The following PUM1 variants were observed in gnomAD, a reference collection of about 807,000 sequenced individuals.
PUM1 encodes the protein pumilio homolog 1.
A neutral mutation model predicts 131.8 loss-of-function variants in PUM1; 13 were observed. The observed-to-expected ratio is 0.10, with a 90% CI of 0.06 to 0.16. The LOEUF (loss-of-function observed/expected upper bound fraction) is 0.16, where lower values mean the gene tolerates loss of function less well. PUM1 is among the 10% of genes least tolerant of loss of function. The pLI, the probability that PUM1 is intolerant of heterozygous loss-of-function variation, is 1.00. For synonymous variants in PUM1, 509 were observed against 556.5 expected, an observed-to-expected ratio of 0.91 and a Z score of 1.20; for missense variants, 961 against 1,512.4, an observed-to-expected ratio of 0.64 and a Z score of 6.05.
At chr1:30,946,365 G>A (rs768177574) in intron 17 of PUM1, among the ~76,000 whole-genome samples, 9 of 150,892 alleles carry the variant, frequency 6.0e-5, no homozygotes, top group East Asian at 5.8e-4. Context: ...TAGGCCAGGT[G>A]CAGTGGCTCA....
chr1:31,047,452 C>T (rs912503245), intron 2 of PUM1, among the ~76,000 whole-genome samples: 5 of 152,138 alleles, frequency 3.3e-5, no homozygotes, highest in African/African-American at 9.7e-5. Context: ...ATGTTTAAGT[C>T]CTTTCACAAG....
At chr1:31,044,937 G>A (rs1643916482) in intron 2 of PUM1, among the ~76,000 whole-genome samples, 1 of 152,136 alleles carries the variant, frequency 6.6e-6, no homozygotes, top group South Asian at 2.1e-4. Context: ...AGCCTCCTGA[G>A]TACCTGGGAT....
chr1:31,036,755 T>A (rs1278772439), intron 2 of PUM1: 1 of 153,052 alleles, frequency 6.5e-6, no homozygotes, highest in Non-Finnish European at 1.5e-5. Context: ...GGAGCCACAC[T>A]CAGAGTACAC....
In PUM1 at chr1:30,964,736, C is replaced by T; in HGVS notation, c.2261G>A (p.Gly754Glu). The T allele has an allele frequency of 2.5e-6, 4 of 1,614,004 alleles. No homozygotes were observed. The highest frequency in any genetic ancestry group is 3.4e-6 in the Non-Finnish European group (4 of 1,179,990). ...VGMPLPSQGP[G>E]HSQTPPPSLS... is the part of the protein sequence containing the mutation. Reference sequence around the variant, plus strand: ...GGAAGGAGGTGGTGTCTGTGAATGTCCTGGTCCCTGACTAGGGAGAGGCAT... The same window carrying T: ...GGAAGGAGGTGGTGTCTGTGAATGTTCTGGTCCCTGACTAGGGAGAGGCAT... Residue 754 changes from glycine (G) to glutamate (E), a missense_variant, in exon 14 of 22, where the codon GGA becomes GAA. Gly to Glu is a moderately conservative substitution (Grantham distance 98). This residue lies in a region of PUM1 where 117 missense variants were observed against 200.7 expected (regional missense o/e 0.58). Coordinates refer to ENST00000426105, the MANE Select transcript of PUM1 (RefSeq NM_001020658.2).
chr1:31,007,428 T>C (rs1642434174), intron 3 of PUM1, among the ~76,000 whole-genome samples: 1 of 152,204 alleles, frequency 6.6e-6, no homozygotes, highest in South Asian at 2.1e-4. Context: ...GTGACCCTAT[T>C]AGCTAACTAC....
In PUM1 at chr1:31,024,810, C is replaced by T. The variant is rs144175810; in HGVS notation, c.432+3986G>A. On this transcript the variant is annotated intron_variant, in intron 3 of 21. Transcript: ENST00000426105. ...TAGGTCATGAACAGTAACAATGCTGCCAACCTAAAGGTGGAGCAAACAGGT... is the reference window on the plus strand; with the variant it reads ...TAGGTCATGAACAGTAACAATGCTGTCAACCTAAAGGTGGAGCAAACAGGT... 6.8e-3 allele frequency among the ~76,000 whole-genome samples: 1,042 copies of T among 152,288 alleles called. 6 individuals carry two copies. The highest frequency in any genetic ancestry group is 9.5e-3 in the Non-Finnish European group (644 of 68,032).
rs190863657 is a variant in PUM1 at position 30,992,621 on chromosome 1, C to G, written c.927G>C (p.Val309=). ...PGNCQNSANE[V]DLLGPNQNGS... ...CATTCTGGTTTGGACCCAGAAGATC[C>G]ACTTCATTAGCAGAGTTCTGGCAAT... The change falls in exon 7 of 22, where the codon GTG becomes GTC. Residue 309 remains valine, a synonymous_variant. Transcript: ENST00000426105. 1 of 1,613,996 alleles carries G rather than the reference C, an allele frequency of 6.2e-7. No homozygotes were observed. The highest frequency in any genetic ancestry group is 1.3e-5 in the African/African-American group (1 of 74,920).
chr1:30,966,415 T>C, intron 12 of PUM1, 137 bp from the exon 13 acceptor site: 2 of 842,528 alleles, frequency 2.4e-6, no homozygotes, highest in Non-Finnish European at 3.6e-6. Flanking sequence ...AAATCTGTCT[T>C]TGATCCCTTC....
intron 1 of PUM1, among the ~76,000 whole-genome samples, chr1:31,060,691 G>A (rs181477118): frequency 3.9e-5 from 6 of 152,046 alleles, no homozygotes; most frequent in Admixed American, 3.3e-4. Context: ...TTCGAGACCA[G>A]CCTGGCCAAC....
chr1:31,013,635 G>A (rs1389446220), intron 3 of PUM1, among the ~76,000 whole-genome samples: 1 of 152,156 alleles, frequency 6.6e-6, no homozygotes, highest in Non-Finnish European at 1.5e-5. Flanking sequence ...TAATCTCTTA[G>A]TATATATCTC....
intron 1 of PUM1, among the ~76,000 whole-genome samples, chr1:31,065,329 A>C (rs2124045523): frequency 6.6e-6 from 1 of 152,164 alleles, no homozygotes; most frequent in African/African-American, 2.4e-5. Context: ...GCCAGGCAAA[A>C]ATGTAGAGGC....
At chr1:30,941,106 A>G in intron 20 of PUM1, 45 bp downstream of exon 20, 1 of 1,571,740 alleles carries the variant, frequency 6.4e-7, no homozygotes, top group Non-Finnish European at 8.7e-7. Flanking sequence ...CAATACTACT[A>G]ATCCTCTCTT....
rs141968455 is a variant in PUM1, at chr1:30,966,098, C to T, written c.1970G>A (p.Ser657Asn). ...GNNSLNSNSQ[S>N]SSLFSQGSAQ... ...AGAGCCCTGGGAGAAGAGGGAGCTG[C>T]TCTGTGAATTGCTGTTCAGAGAGTT... The change falls in exon 13 of 22, where the codon AGC becomes AAC. Residue 657 changes from serine (S) to asparagine (N), a missense_variant. By Grantham distance (46) the Ser-to-Asn change is conservative. Around this residue, in one of 4 missense-constraint regions of PUM1, gnomAD observed 654 missense variants for 923.9 expected, o/e 0.71. Coordinates refer to ENST00000426105, the MANE Select transcript of PUM1 (RefSeq NM_001020658.2). 1.7e-5 allele frequency: 28 copies of T among 1,614,084 alleles called. No homozygotes were observed. The highest frequency in any genetic ancestry group is 2.2e-5 in the Non-Finnish European group (26 of 1,180,040).
At chr1:31,018,395 C>T (rs12411142) in intron 3 of PUM1, among the ~76,000 whole-genome samples, 37,284 of 151,956 alleles carry the variant, frequency 0.25, 5,692 homozygotes, top group Non-Finnish European at 0.33. Context: ...GGCGTGGTGG[C>T]TCACGCCTCT....
chr1:31,030,873 C>T (rs1643405146), intron 2 of PUM1, among the ~76,000 whole-genome samples: 1 of 152,142 alleles, frequency 6.6e-6, no homozygotes, highest in African/African-American at 2.4e-5. Context: ...ACAAATGAGA[C>T]ACACCGTATC....
At chr1:30,975,493 G>A (rs1208851654) in intron 9 of PUM1, among the ~76,000 whole-genome samples, 1 of 147,086 alleles carries the variant, frequency 6.8e-6, no homozygotes, top group Non-Finnish European at 1.5e-5. Context: ...TGGGATTACA[G>A]ATGCATGCCA....
intron 3 of PUM1, among the ~76,000 whole-genome samples, chr1:31,024,662 A>C (rs1243032067): frequency 1.3e-5 from 2 of 152,228 alleles, no homozygotes; most frequent in African/African-American, 4.8e-5. Flanking sequence ...AAGAATCTTA[A>C]GGGAAAAAAA....
At chr1:31,028,425 G>A (rs1197128476) in intron 3 of PUM1, among the ~76,000 whole-genome samples, 1 of 151,890 alleles carries the variant, frequency 6.6e-6, no homozygotes. Flanking sequence ...TTGGCGGGGG[G>A]GGTGGGTTGG....
intron 20 of PUM1, among the ~76,000 whole-genome samples, chr1:30,938,960 C>G (rs1039271318): frequency 6.6e-6 from 1 of 151,312 alleles, no homozygotes; most frequent in African/African-American, 2.4e-5. Context: ...GACAGATAGA[C>G]AGATACATAC....
Sources: gnomAD v4.1 joint callset for allele counts (sites outside exome capture counted in the v4.1 genomes callset) on GRCh38, gnomAD v4.1.1 for gene constraint, gnomAD v4.1.1 regional missense constraint, MANE v1.5 for transcripts, NCBI Gene and HGNC (gene_info 2026-07-23, HGNC 2026-07-21) for gene names.